The following NTSR1 variants were observed in gnomAD, a reference collection of about 807,000 sequenced individuals.
The protein encoded by NTSR1 is neurotensin receptor type 1.
A neutral mutation model predicts 31.2 loss-of-function variants in NTSR1; 29 were observed. The observed-to-expected ratio is 0.93, with a 90% CI of 0.69 to 1.27. NTSR1 has a LOEUF of 1.27. Ranked by LOEUF, NTSR1 falls within the 50% of genes most tolerant of loss-of-function variation. The probability of loss-of-function intolerance (pLI) is 0.00; values close to 1 mark genes in which losing one functional copy is unlikely to be tolerated. For synonymous variants in NTSR1, 282 were observed against 269.9 expected (o/e 1.04, Z -0.44); for missense variants, 697 against 595.4 (o/e 1.17, Z -1.78).
chr20:62,760,376 G>A lies in NTSR1; in HGVS notation c.*109G>A. On this transcript the variant is annotated 3_prime_UTR_variant, in exon 4 of 4. Coordinates refer to ENST00000370501, the MANE Select transcript of NTSR1 (RefSeq NM_002531.3). ...CTTGATGGGGGTCAGGCAGAGGCCA[G>A]CCTGCACTGGAGTCTGAGGCCTGGG... The A allele has an allele frequency of 7.8e-7, 1 of 1,279,448 alleles. No homozygotes were observed. Among genetic ancestry groups the A allele is most frequent in the Non-Finnish European group, 1.1e-6 (1 of 944,902 alleles). The allele number at this position is 1,279,448 out of a possible 1,614,324, so 79.3% of individuals were successfully genotyped here. A position where few individuals can be genotyped will look rare whatever the true frequency, so the allele number is the denominator to read the frequency against.
chr20:62,718,876 G>C (rs1417103563), intron 1 of NTSR1, among the ~76,000 whole-genome samples: 1 of 152,146 alleles, frequency 6.6e-6, no homozygotes, highest in Non-Finnish European at 1.5e-5. Context: ...TTTCTCATGA[G>C]TAAATACGTA....
chr20:62,738,232 C>T (rs1288184309), intron 1 of NTSR1, among the ~76,000 whole-genome samples: 5 of 151,756 alleles, frequency 3.3e-5, no homozygotes, highest in Non-Finnish European at 7.4e-5. Context: ...CAGAGGGTGA[C>T]GGAGGGTGCT....
chr20:62,725,354 G>A (rs1164624563), intron 1 of NTSR1, among the ~76,000 whole-genome samples: 1 of 152,244 alleles, frequency 6.6e-6, no homozygotes, highest in Non-Finnish European at 1.5e-5. Flanking sequence ...CATCCTGTGG[G>A]GCCTCCAGCC....
chr20:62,753,349 T>A (rs1386940740), intron 1 of NTSR1, among the ~76,000 whole-genome samples: 4 of 152,220 alleles, frequency 2.6e-5, no homozygotes, highest in African/African-American at 9.6e-5. Flanking sequence ...AGGATTGTCC[T>A]CACCGGGACC....
intron 1 of NTSR1, among the ~76,000 whole-genome samples, chr20:62,718,008 G>A (rs1484033181): frequency 6.6e-6 from 1 of 152,072 alleles, no homozygotes; most frequent in Non-Finnish European, 1.5e-5. Flanking sequence ...TGGGCGTCGG[G>A]GAAGATGCCA....
chr20:62,737,439 G>A (rs1269875728), intron 1 of NTSR1, among the ~76,000 whole-genome samples: 1 of 152,180 alleles, frequency 6.6e-6, no homozygotes, highest in African/African-American at 2.4e-5. Flanking sequence ...AGAGCCCCTT[G>A]ACTCACGGCT....
At chr20:62,749,170 G>C (rs958020786) in intron 1 of NTSR1, among the ~76,000 whole-genome samples, 2 of 152,138 alleles carry the variant, frequency 1.3e-5, no homozygotes, top group East Asian at 3.9e-4. Context: ...GGCCGGGCGC[G>C]GTGGCTCACG....
intron 1 of NTSR1, among the ~76,000 whole-genome samples, chr20:62,739,713 G>C (rs1341894210): frequency 6.6e-6 from 1 of 152,274 alleles, no homozygotes; most frequent in Admixed American, 6.5e-5. Flanking sequence ...ACGGCGGCCA[G>C]CTTTGCCAGG....
rs531921966 is a variant in NTSR1, at chr20:62,709,633, C to T, written c.426C>T (p.Arg142=). 1.2e-6 allele frequency: 2 copies of T among 1,612,138 alleles called. No homozygotes were observed. The highest frequency in any genetic ancestry group is 1.1e-5 in the South Asian group (1 of 91,084). Residue 142 remains arginine, a synonymous_variant, in exon 1 of 4, where the codon CGC becomes CGT. Coordinates refer to ENST00000370501, the MANE Select transcript of NTSR1 (RefSeq NM_002531.3). ...HPWAFGDAGC[R]GYYFLRDACT... ...GGGCCTTCGGCGACGCCGGCTGCCG[C>T]GGCTACTACTTCCTGCGCGACGCCT...
intron 1 of NTSR1, among the ~76,000 whole-genome samples, chr20:62,718,095 G>A (rs564266240): frequency 2.6e-5 from 4 of 152,186 alleles, no homozygotes; most frequent in Non-Finnish European, 4.4e-5. Context: ...CTGGCCTGGC[G>A]GGGTGGCCGG....
chr20:62,727,526 C>T lies in NTSR1; in HGVS notation c.714+17605C>T, dbSNP rs891039585. 5.3e-5 allele frequency among the ~76,000 whole-genome samples: 8 copies of T among 152,346 alleles called. No homozygotes were observed. In the East Asian group the frequency reaches 5.8e-4, roughly 11 times the overall value. On this transcript the variant is annotated intron_variant, in intron 1 of 3. Transcript: ENST00000370501. ...CTTGCCCGGCCGCCGGGCTCAGCAC[C>T]GGTCTAAGGAGAGTCCGCTGTGGTA...
At chr20:62,753,958 C>T (rs976393497) in intron 1 of NTSR1, among the ~76,000 whole-genome samples, 3 of 152,246 alleles carry the variant, frequency 2.0e-5, no homozygotes, top group African/African-American at 7.2e-5. Flanking sequence ...GAGCGGGACT[C>T]AGCTCAGGCC....
chr20:62,732,527 C>T lies in NTSR1; in HGVS notation c.715-22158C>T, dbSNP rs1193795005. The stretch of plus-strand genomic sequence containing the variant: ...TTACCATGTAGCGCTGCATGAGATT[C>T]GCTGCTATTTGTGTAATTCTTAGTA... On this transcript the variant is annotated intron_variant, in intron 1 of 3. Transcript: ENST00000370501. This position sits in a 1 kb window ranked among gnomAD's most constrained non-coding sequence, Gnocchi z 4.0. 6.6e-6 allele frequency: 1 copy of T among 152,120 alleles called. No individual in the cohort carries two copies. The highest frequency in any genetic ancestry group is 1.5e-5 in the Non-Finnish European group (1 of 68,050). The allele number at this position is 152,120 out of a possible 1,614,324, so 9.4% of individuals were successfully genotyped here.
At chr20:62,717,215 G>A (rs2427406) in intron 1 of NTSR1, among the ~76,000 whole-genome samples, 101,815 of 152,164 alleles carry the variant, frequency 0.67, 36,439 homozygotes, top group East Asian at 0.94. Context: ...GGCACAGGTT[G>A]GAGAGGGGAG....
At chr20:62,751,558 G>A (rs780449232) in intron 1 of NTSR1, among the ~76,000 whole-genome samples, 5 of 152,270 alleles carry the variant, frequency 3.3e-5, no homozygotes, top group Non-Finnish European at 7.3e-5. Flanking sequence ...GTAGGAAAAC[G>A]GCACTGACGG....
rs201666898 is a variant in NTSR1 at position 62,709,281 on chromosome 20, G to C, written c.74G>C (p.Gly25Ala). 2,975 of 1,581,486 alleles carry C rather than the reference G, an allele frequency of 1.9e-3. 8 individuals are homozygous for C. Among genetic ancestry groups the C allele is most frequent in the Non-Finnish European group, 2.3e-3 (2,686 of 1,168,750 alleles). The change falls in exon 1 of 4, where the codon GGA becomes GCA. Residue 25 changes from glycine to alanine, a missense_variant. Gly to Ala is a moderately conservative substitution (Grantham distance 60). Transcript: ENST00000370501. Reference sequence around the variant, plus strand: ...GACCCCTTCCAGCGGGCGCAGGCCGGACTGGAGGAGGCGCTGCTGGCCCCG... The same window carrying C: ...GACCCCTTCCAGCGGGCGCAGGCCGCACTGGAGGAGGCGCTGCTGGCCCCG... ...AADPFQRAQA[G>A]LEEALLAPGF...
chr20:62,715,584 G>A lies in NTSR1; in HGVS notation c.714+5663G>A, dbSNP rs543227895. Among the ~76,000 whole-genome samples the A allele has an allele frequency of 2.0e-5, 3 of 152,374 alleles. No individual in the cohort carries two copies. In the South Asian group the frequency reaches 6.2e-4, roughly 32 times the overall value. On this transcript the variant is annotated intron_variant, in intron 1 of 3. Coordinates refer to ENST00000370501, the MANE Select transcript of NTSR1 (RefSeq NM_002531.3). This position sits in a 1 kb window ranked among gnomAD's most constrained non-coding sequence, Gnocchi z 4.7. ...GTCCTCGAGAGTGACTTGGCCCAGAGTGGTTCAGGCTCACCTGTTCACAGC... is the reference window on the plus strand; with the variant it reads ...GTCCTCGAGAGTGACTTGGCCCAGAATGGTTCAGGCTCACCTGTTCACAGC...
chr20:62,727,514 C>A (rs914636927), intron 1 of NTSR1, among the ~76,000 whole-genome samples: 1 of 152,214 alleles, frequency 6.6e-6, no homozygotes, highest in Non-Finnish European at 1.5e-5. Context: ...GCCCGGCCGC[C>A]GGGCTCAGCA....
chr20:62,760,472 A>G lies in NTSR1; in HGVS notation c.*205A>G, dbSNP rs1255271492. Reference sequence around the variant, plus strand: ...CCGGGCCTGTCCCCAACTCCTCCCCACCCCTCCCCCATCTCCTCTTTGAAA... The same window carrying G: ...CCGGGCCTGTCCCCAACTCCTCCCCGCCCCTCCCCCATCTCCTCTTTGAAA... On this transcript the variant is annotated 3_prime_UTR_variant, in exon 4 of 4. Coordinates refer to ENST00000370501, the MANE Select transcript of NTSR1 (RefSeq NM_002531.3). The G allele has an allele frequency of 2.5e-6, 1 of 404,760 alleles. No homozygotes were observed. The highest frequency in any genetic ancestry group is 3.7e-5 in the African/African-American group (1 of 26,734). The allele number at this position is 404,760 out of a possible 1,614,324, so 25.1% of individuals were successfully genotyped here.
Sources: allele counts gnomAD v4.1 joint callset (sites outside exome capture counted in the v4.1 genomes callset), GRCh38; gene constraint gnomAD v4.1.1; non-coding constraint Gnocchi (gnomAD v3.1); transcripts MANE v1.5; gene names NCBI Gene and HGNC (gene_info 2026-07-23, HGNC 2026-07-21).